Variants in GPR173 observed in about 807,000 individuals in gnomAD.
GPR173 encodes probable G protein-coupled receptor 173.
GPR173 carries 2 observed loss-of-function variants against 13.9 expected under a neutral mutation model. That is an observed-to-expected ratio of 0.14 (90% CI 0.06 to 0.45). The LOEUF is 0.45. Ranked by LOEUF, GPR173 falls within the 20% of genes least tolerant of loss-of-function variation. The pLI is 0.98. For synonymous variants in GPR173, 131 were observed against 141.0 expected (o/e 0.93, Z 0.50); for missense variants, 202 against 340.5 (o/e 0.59, Z 3.20).
At chrX:53,074,680 A>T (rs1310550015) in intron 1 of GPR173, among the ~76,000 whole-genome samples, 3 of 84,840 alleles carry the variant, frequency 3.5e-5, no homozygotes, top group Non-Finnish European at 6.3e-5. Context: ...ATTTATTTAT[A>T]AATATTATAA....
intron 1 of GPR173, among the ~76,000 whole-genome samples, chrX:53,055,794 A>T (rs968252688): frequency 5.5e-5 from 6 of 109,168 alleles, no homozygotes; most frequent in Non-Finnish European, 7.6e-5. Flanking sequence ...AATCTGGATG[A>T]TGATATATGA....
At chrX:53,051,711 T>G (rs1556802704) in intron 1 of GPR173, among the ~76,000 whole-genome samples, 1 of 111,527 alleles carries the variant, frequency 9.0e-6, no homozygotes, top group Non-Finnish European at 1.9e-5. Context: ...TATATGTGTG[T>G]GGCATCAGTT....
At chrX:53,050,050 T>C (rs1362637374) in intron 1 of GPR173, among the ~76,000 whole-genome samples, 2 of 109,750 alleles carry the variant, frequency 1.8e-5, no homozygotes, top group African/African-American at 6.7e-5. Context: ...CCACTCCTTC[T>C]TTCCTCCTTT....
chrX:53,060,874 T>C (rs182248492), intron 1 of GPR173, among the ~76,000 whole-genome samples: 58 of 106,945 alleles, frequency 5.4e-4, no homozygotes, highest in East Asian at 2.5e-3. Flanking sequence ...AAGGCAGTTA[T>C]ACAGGCCTGT....
intron 1 of GPR173, among the ~76,000 whole-genome samples, chrX:53,061,050 C>G (rs1479535515): frequency 1.9e-5 from 2 of 107,365 alleles, no homozygotes; most frequent in Non-Finnish European, 3.8e-5. Flanking sequence ...GAAACCCTGT[C>G]TCTACTAAAA....
intron 1 of GPR173, chrX:53,065,389 AT>A (rs1231157382): frequency 2.7e-5 from 3 of 112,192 alleles, no homozygotes; most frequent in Middle Eastern, 4.6e-3. Context: ...ATCAGATAAC[AT>A]TTTGGTTTCT....
At chrX:53,056,802 C>G (rs1174779775) in intron 1 of GPR173, among the ~76,000 whole-genome samples, 1 of 111,174 alleles carries the variant, frequency 9.0e-6, no homozygotes, top group Admixed American at 9.6e-5. Flanking sequence ...TAAATGTGAA[C>G]GTGTCCATGT....
chrX:53,061,300 C>G (rs1385031111), intron 1 of GPR173, among the ~76,000 whole-genome samples: 1 of 110,813 alleles, frequency 9.0e-6, no homozygotes, highest in Non-Finnish European at 1.9e-5. Context: ...GAGCTATTTG[C>G]TGGTGTGTGG....
At chrX:53,057,502 C>T (rs1175417844) in intron 1 of GPR173, among the ~76,000 whole-genome samples, 2 of 107,498 alleles carry the variant, frequency 1.9e-5, no homozygotes, top group African/African-American at 6.8e-5. Flanking sequence ...ACTTTGGGAG[C>T]CGAGGTGGGC....
intron 1 of GPR173, among the ~76,000 whole-genome samples, chrX:53,064,226 C>T (rs1243437334): frequency 9.0e-6 from 1 of 111,709 alleles, no homozygotes; most frequent in African/African-American, 3.3e-5. Context: ...TCTTCTTAGT[C>T]CATTTCGCGC....
intron 1 of GPR173, among the ~76,000 whole-genome samples, chrX:53,059,917 G>A (rs1353373980): frequency 1.9e-5 from 2 of 106,337 alleles, no homozygotes; most frequent in Non-Finnish European, 3.9e-5. Context: ...TGAGCCCGGA[G>A]TTCAAGGCTG....
chrX:53,078,117 G>A lies in GPR173; in HGVS notation c.*374G>A, dbSNP rs1932470427. 1 of 197,284 alleles carries A rather than the reference G, an allele frequency of 5.1e-6. No homozygotes were observed. The highest frequency in any genetic ancestry group is 3.0e-5 in the African/African-American group (1 of 32,961). 16.3% of individuals were successfully genotyped at this position (197,284 alleles called of 1,213,427 possible). On this transcript the variant is annotated 3_prime_UTR_variant, in exon 2 of 2. Coordinates refer to ENST00000332582, the MANE Select transcript of GPR173 (RefSeq NM_018969.6). ...TTTTCTACTAACAGCTGAGGAGACA[G>A]GCTTTCTTACTTTAATGTCTCTCCT...
chrX:53,075,488 G>T (rs782728567), intron 1 of GPR173, among the ~76,000 whole-genome samples: 56 of 105,231 alleles, frequency 5.3e-4, no homozygotes, highest in African/African-American at 1.2e-3. Context: ...TATCTGTGTA[G>T]TTCACAGCTG....
At chrX:53,067,314 A>G (rs1932195519) in intron 1 of GPR173, among the ~76,000 whole-genome samples, 1 of 111,435 alleles carries the variant, frequency 9.0e-6, no homozygotes, top group Admixed American at 9.6e-5. Context: ...AACCTGTGAG[A>G]TTCTACTGGG....
Position 53,050,919 on chromosome X carries a change from G to A in GPR173, c.-98+1435G>A, listed in dbSNP as rs782700628. Among the ~76,000 whole-genome samples the A allele has an allele frequency of 1.1e-4, 12 of 111,333 alleles. No homozygotes were observed. In the South Asian group the frequency reaches 1.5e-3, roughly 14 times the overall value. ...TCCCTGCACTTGTCCCTGTTTGTGC[G>A]CACACACACACACAGAACCTTGAGC... On this transcript the variant is annotated intron_variant, in intron 1 of 1. Transcript: ENST00000332582.
rs868948905 is a variant in GPR173, at chrX:53,076,514, C to A, written c.-97-11C>A. The A allele has an allele frequency of 5.5e-6, 3 of 543,673 alleles. No homozygotes were observed. Among genetic ancestry groups the A allele is most frequent in the Non-Finnish European group, 8.8e-6 (3 of 341,323 alleles). The allele number at this position is 543,673 out of a possible 1,213,427, so 44.8% of individuals were successfully genotyped here. ...TGTGTCTGTGTCTCCCCCGCTCATT[C>A]CCATTTGCAGGTGCAATGTAGCAGG... On this transcript the variant is annotated splice_polypyrimidine_tract_variant and intron_variant, in intron 1 of 1. Coordinates refer to ENST00000332582, the MANE Select transcript of GPR173 (RefSeq NM_018969.6).
At chrX:53,073,880 T>A (rs1447402210) in intron 1 of GPR173, among the ~76,000 whole-genome samples, 1 of 40,810 alleles carries the variant, frequency 2.5e-5, no homozygotes, top group East Asian at 7.7e-4. Context: ...TATATAATTA[T>A]ATATATATTT....
chrX:53,075,240 T>G (rs1314457158), intron 1 of GPR173, among the ~76,000 whole-genome samples: 1 of 107,045 alleles, frequency 9.3e-6, no homozygotes, highest in Non-Finnish European at 1.9e-5. Flanking sequence ...CCCCGAGATA[T>G]CCGCATGACT....
intron 1 of GPR173, among the ~76,000 whole-genome samples, chrX:53,052,897 CCTT>C (rs1218780021): frequency 9.0e-6 from 1 of 110,579 alleles, no homozygotes; most frequent in Non-Finnish European, 1.9e-5. Flanking sequence ...GTGGATCAGT[CCTT>C]CTTGTATGGA....
Sources: gnomAD v4.1 joint callset for allele counts (sites outside exome capture counted in the v4.1 genomes callset) on GRCh38, gnomAD v4.1.1 for gene constraint, MANE v1.5 for transcripts, NCBI Gene and HGNC (gene_info 2026-07-23, HGNC 2026-07-21) for gene names.